Variants in TECRL observed in about 807,000 individuals in gnomAD.
TECRL encodes the protein trans-2,3-enoyl-CoA reductase-like.
In TECRL, 63 loss-of-function variants were observed where a neutral mutation model predicts 52.8. The ratio of observed to expected loss-of-function variants is 1.19; its 90% CI spans 0.97 to 1.47. TECRL has a LOEUF of 1.47. Among genes scored for constraint, TECRL ranks in the 40% most tolerant of loss-of-function variants. The probability of loss-of-function intolerance (pLI) is 0.00; values close to 1 mark genes in which losing one functional copy is unlikely to be tolerated. For synonymous variants in TECRL, 164 were observed against 141.9 expected, an observed-to-expected ratio of 1.16 and a Z score of -1.10; for missense variants, 482 against 429.6, an observed-to-expected ratio of 1.12 and a Z score of -1.08.
At chr4:64,302,832 T>C (rs1378161837) in intron 7 of TECRL, among the ~76,000 whole-genome samples, 1 of 151,450 alleles carries the variant, frequency 6.6e-6, no homozygotes, top group African/African-American at 2.4e-5. Flanking sequence ...ATTAAGATTA[T>C]ACCTGCTTTG....
intron 4 of TECRL, 57 bp downstream of exon 4, chr4:64,322,632 T>A: frequency 8.0e-7 from 1 of 1,242,654 alleles, no homozygotes; most frequent in Non-Finnish European, 1.1e-6. Context: ...AATCTGTCAA[T>A]AAATTATTTA....
In TECRL at chr4:64,302,287, C is replaced by T. The variant is rs374797438; in HGVS notation, c.731-2270G>A. ...ACAGATGCTATTAACTTTATGCAGC[C>T]AAATTTGATGAGAATAGATTGTGGT... is the stretch of plus-strand genomic sequence containing the variant. On this transcript the variant is annotated intron_variant, in intron 7 of 11. Coordinates refer to ENST00000381210, the MANE Select transcript of TECRL (RefSeq NM_001010874.5). Among the ~76,000 whole-genome samples the T allele has an allele frequency of 1.3e-4, 19 of 151,218 alleles. No individual in the cohort carries two copies. The East Asian group carries it at 1.5e-3, about 12-fold the overall frequency.
Position 64,280,424 on chromosome 4 carries a change from T to C in TECRL, c.965-225A>G, listed in dbSNP as rs535295340. On this transcript the variant is annotated intron_variant, in intron 11 of 11. Coordinates refer to ENST00000381210, the MANE Select transcript of TECRL (RefSeq NM_001010874.5). Reference sequence around the variant, plus strand: ...AAAAATTAAAAATGAATCTACATATTTTATATACCACTGCCACAAAATATT... The same window carrying C: ...AAAAATTAAAAATGAATCTACATATCTTATATACCACTGCCACAAAATATT... 8.5e-5 allele frequency among the ~76,000 whole-genome samples: 13 copies of C among 152,208 alleles called. No homozygotes were observed. The South Asian group carries it at 2.5e-3, about 29-fold the overall frequency.
At chr4:64,303,212 T>C (rs1369240383) in intron 7 of TECRL, among the ~76,000 whole-genome samples, 1 of 147,432 alleles carries the variant, frequency 6.8e-6, no homozygotes, top group Non-Finnish European at 1.5e-5. Context: ...TTTTGCAGCA[T>C]AAATATAGAA....
intron 1 of TECRL, among the ~76,000 whole-genome samples, chr4:64,401,456 C>T (rs370223588): frequency 1.2e-3 from 179 of 152,274 alleles, no homozygotes; most frequent in African/African-American, 4.1e-3. Flanking sequence ...CTTTCAAGTG[C>T]CATCTTCAGC....
At chr4:64,357,215 C>T (rs7657894) in intron 2 of TECRL, among the ~76,000 whole-genome samples, 136,406 of 151,826 alleles carry the variant, frequency 0.9, 61,926 homozygotes, top group East Asian at 1. Flanking sequence ...ATGTGAAAAA[C>T]AGTACTCATT....
intron 3 of TECRL, among the ~76,000 whole-genome samples, chr4:64,324,268 T>G (rs1051490492): frequency 1.3e-5 from 2 of 152,130 alleles, no homozygotes; most frequent in Non-Finnish European, 2.9e-5. Flanking sequence ...ACTTAAATGT[T>G]ATTTAATAAG....
At chr4:64,308,330 A>ATTGATC (rs1724459081) in intron 6 of TECRL, among the ~76,000 whole-genome samples, 3 of 152,144 alleles carry the variant, frequency 2.0e-5, no homozygotes, top group South Asian at 2.1e-4. Flanking sequence ...TGCATACTAA[A>ATTGATC]TTGATCCTGA....
At chr4:64,322,464 A>AC (rs1717968924) in intron 4 of TECRL, among the ~76,000 whole-genome samples, 1 of 151,552 alleles carries the variant, frequency 6.6e-6, no homozygotes, top group Non-Finnish European at 1.5e-5. Context: ...AAAAAAAAAA[A>AC]AAAAAAAAAA....
chr4:64,331,565 G>A (rs1718642539), intron 2 of TECRL, among the ~76,000 whole-genome samples: 1 of 151,942 alleles, frequency 6.6e-6, no homozygotes, highest in African/African-American at 2.4e-5. Context: ...TCACAAATAT[G>A]GAATCTCATA....
chr4:64,281,059 T>C lies in TECRL; in HGVS notation c.946A>G (p.Met316Val). ...GTCTTACCTGGCAGTGTTTGTGTCA[T>C]GACTGTGAAACTAATCCATGATCCA... ...EIGSWISFTVMTQTLPVGIFT... is the reference protein window; with the variant it reads ...EIGSWISFTVVTQTLPVGIFT... Residue 316 changes from methionine (M) to valine (V), a missense_variant, in exon 11 of 12, where the codon ATG (methionine) becomes GTG (valine). Transcript: ENST00000381210. 6.2e-7 allele frequency: 1 copy of C among 1,603,650 alleles called. No individual in the cohort carries two copies. The highest frequency in any genetic ancestry group is 8.5e-7 in the Non-Finnish European group (1 of 1,173,204).
intron 1 of TECRL, among the ~76,000 whole-genome samples, chr4:64,399,483 T>A (rs920570296): frequency 1.6e-4 from 24 of 152,292 alleles, no homozygotes; most frequent in African/African-American, 5.3e-4. Context: ...CAAGTGCTGA[T>A]AGCCAAGACA....
intron 2 of TECRL, among the ~76,000 whole-genome samples, chr4:64,371,749 T>A (rs1721985635): frequency 6.6e-6 from 1 of 151,752 alleles, no homozygotes; most frequent in Non-Finnish European, 1.5e-5. Context: ...CTTATTGAAG[T>A]TCGTTTCTAC....
intron 2 of TECRL, among the ~76,000 whole-genome samples, chr4:64,329,552 A>G (rs374030865): frequency 3.2e-4 from 48 of 152,022 alleles, no homozygotes; most frequent in African/African-American, 1.1e-3. Context: ...TTTACCTTCT[A>G]AAGTCTATTA....
chr4:64,288,216 A>T (rs1396297902), intron 9 of TECRL, among the ~76,000 whole-genome samples: 1 of 152,086 alleles, frequency 6.6e-6, no homozygotes, highest in Non-Finnish European at 1.5e-5. Context: ...CACAACATCA[A>T]CAAGACATTT....
chr4:64,353,400 A>G (rs542042049), intron 2 of TECRL, among the ~76,000 whole-genome samples: 7 of 152,306 alleles, frequency 4.6e-5, no homozygotes, highest in African/African-American at 1.7e-4. Flanking sequence ...TATTATAGGT[A>G]TACAGATTAA....
intron 2 of TECRL, among the ~76,000 whole-genome samples, chr4:64,361,828 T>A (rs1026955499): frequency 6.6e-6 from 1 of 152,110 alleles, no homozygotes; most frequent in Non-Finnish European, 1.5e-5. Flanking sequence ...TCCAAAAACC[T>A]GCACTAACTC....
chr4:64,384,019 A>G (rs1312170311), intron 1 of TECRL, among the ~76,000 whole-genome samples: 1 of 151,590 alleles, frequency 6.6e-6, no homozygotes, highest in Non-Finnish European at 1.5e-5. Flanking sequence ...TCTATGTGGT[A>G]CTCAGAGGCT....
intron 2 of TECRL, among the ~76,000 whole-genome samples, chr4:64,340,919 A>C (rs1367097987): frequency 6.6e-6 from 1 of 152,134 alleles, no homozygotes; most frequent in Non-Finnish European, 1.5e-5. Context: ...GGCGGGAACT[A>C]CCAGCTGCAG....
Sources: allele counts gnomAD v4.1 joint callset (sites outside exome capture counted in the v4.1 genomes callset), GRCh38; gene constraint gnomAD v4.1.1; transcripts MANE v1.5; gene names NCBI Gene and HGNC (gene_info 2026-07-23, HGNC 2026-07-21).